The following SPAG16 variants were observed in gnomAD, a reference collection of about 807,000 sequenced individuals.
The protein encoded by SPAG16 is sperm associated antigen 16, also known as sperm-associated antigen 16 protein.
SPAG16 carries 86 observed loss-of-function variants against 80.4 expected under a neutral mutation model. The ratio of observed to expected loss-of-function variants is 1.07; its 90% confidence interval spans 0.90 to 1.28. The LOEUF (loss-of-function observed/expected upper bound fraction) is 1.28, where lower values mean the gene tolerates loss of function less well. Among genes scored for constraint, SPAG16 ranks in the 50% most tolerant of loss-of-function variants. The pLI, the probability that SPAG16 is intolerant of heterozygous loss-of-function variation, is 0.00. For missense variants in SPAG16, 870 were observed against 765.3 expected (o/e 1.14, Z -1.61); for synonymous variants, 294 against 265.9 (o/e 1.11, Z -1.03).
chr2:214,267,366 G>C (rs957635264), intron 15 of SPAG16, among the ~76,000 whole-genome samples: 13 of 151,570 alleles, frequency 8.6e-5, no homozygotes, highest in Non-Finnish European at 1.8e-4. Flanking sequence ...ATTGATTTTT[G>C]ACAAAGGTGC....
At chr2:214,179,924 T>C (rs1443477344) in intron 15 of SPAG16, among the ~76,000 whole-genome samples, 2 of 151,540 alleles carry the variant, frequency 1.3e-5, no homozygotes, top group Non-Finnish European at 3.0e-5. Flanking sequence ...ATGTAAATGG[T>C]GTTAGAATAG....
At chr2:213,470,958 T>C (rs901688239) in intron 9 of SPAG16, among the ~76,000 whole-genome samples, 2 of 152,182 alleles carry the variant, frequency 1.3e-5, no homozygotes, top group African/African-American at 4.8e-5. Flanking sequence ...AGCCAAACCA[T>C]TGGCTACAGT....
chr2:213,720,111 T>C (rs994584040), intron 10 of SPAG16, among the ~76,000 whole-genome samples: 1 of 152,118 alleles, frequency 6.6e-6, no homozygotes, highest in African/African-American at 2.4e-5. Context: ...CCACATGTTC[T>C]CACTCATAAG....
At chr2:214,346,865 T>C (rs1698085428) in intron 15 of SPAG16, among the ~76,000 whole-genome samples, 1 of 152,290 alleles carries the variant, frequency 6.6e-6, no homozygotes, top group African/African-American at 2.4e-5. Context: ...ATGATCTCTG[T>C]CGACATCATT....
chr2:213,745,730 A>T (rs1167481175), intron 10 of SPAG16, among the ~76,000 whole-genome samples: 1 of 152,206 alleles, frequency 6.6e-6, no homozygotes, highest in African/African-American at 2.4e-5. Flanking sequence ...TTCAAATGCC[A>T]TAATTATAAA....
chr2:213,721,091 T>C (rs746144924), intron 10 of SPAG16, among the ~76,000 whole-genome samples: 1 of 151,402 alleles, frequency 6.6e-6, no homozygotes, highest in Non-Finnish European at 1.5e-5. Context: ...ATTATTATAA[T>C]TCCAATTTTA....
At chr2:213,577,624 A>T (rs1004019030) in intron 10 of SPAG16, among the ~76,000 whole-genome samples, 1 of 152,190 alleles carries the variant, frequency 6.6e-6, no homozygotes, top group Admixed American at 6.6e-5. Flanking sequence ...TCTGGTAGTG[A>T]CAATAATTAT....
intron 10 of SPAG16, among the ~76,000 whole-genome samples, chr2:213,768,474 A>G (rs1432358737): frequency 6.6e-6 from 1 of 152,210 alleles, no homozygotes; most frequent in African/African-American, 2.4e-5. Context: ...ACTTCACAAG[A>G]CAGCACTATA....
At chr2:213,659,460 A>G (rs1489396071) in intron 10 of SPAG16, among the ~76,000 whole-genome samples, 1 of 152,176 alleles carries the variant, frequency 6.6e-6, no homozygotes, top group Non-Finnish European at 1.5e-5. Context: ...TTGCAATTAT[A>G]AAGTTAGGAT....
chr2:214,284,769 C>A (rs894077891), intron 15 of SPAG16, among the ~76,000 whole-genome samples: 2 of 151,504 alleles, frequency 1.3e-5, no homozygotes, highest in Non-Finnish European at 2.9e-5. Flanking sequence ...CCAATAAACT[C>A]ATTTTTAAGG....
At chr2:214,389,812 G>A (rs1166720331) in intron 15 of SPAG16, among the ~76,000 whole-genome samples, 1 of 152,158 alleles carries the variant, frequency 6.6e-6, no homozygotes, top group East Asian at 1.9e-4. Flanking sequence ...TAAACTGCCA[G>A]TTATATTGCC....
intron 10 of SPAG16, among the ~76,000 whole-genome samples, chr2:213,573,100 G>T (rs991035359): frequency 6.6e-6 from 1 of 152,116 alleles, no homozygotes; most frequent in Admixed American, 6.5e-5. Context: ...TTTGGCTCAC[G>T]CACGGTGCGC....
intron 15 of SPAG16, among the ~76,000 whole-genome samples, chr2:214,173,314 A>G (rs1396592180): frequency 6.6e-6 from 1 of 152,062 alleles, no homozygotes; most frequent in Non-Finnish European, 1.5e-5. Flanking sequence ...CTTTCTACAT[A>G]TGGCTAGCCA....
chr2:213,878,338 A>T (rs1424319211), intron 11 of SPAG16, among the ~76,000 whole-genome samples: 2 of 152,028 alleles, frequency 1.3e-5, no homozygotes, highest in African/African-American at 4.8e-5. Flanking sequence ...CATTGCCAAT[A>T]TTTATTTTTT....
At chr2:213,490,222 G>GAGAA in intron 10 of SPAG16, 132 bp downstream of exon 10, 1 of 814,008 alleles carries the variant, frequency 1.2e-6, no homozygotes, top group Non-Finnish European at 1.8e-6. Context: ...TAGCATGAAA[G>GAGAA]AATCTGCTTA....
chr2:213,820,067 C>T (rs1233732928), intron 10 of SPAG16, among the ~76,000 whole-genome samples: 3 of 151,524 alleles, frequency 2.0e-5, no homozygotes, highest in African/African-American at 4.8e-5. Context: ...CGTGAGCCAC[C>T]GTTGTTTTTG....
chr2:213,603,554 T>G (rs1310936886), intron 10 of SPAG16, among the ~76,000 whole-genome samples: 1 of 152,260 alleles, frequency 6.6e-6, no homozygotes, highest in Non-Finnish European at 1.5e-5. Context: ...TAAAAGAGAT[T>G]TAAAACTTTG....
chr2:214,094,730 T>C (rs1023660596), intron 13 of SPAG16, among the ~76,000 whole-genome samples: 1 of 152,102 alleles, frequency 6.6e-6, no homozygotes, highest in African/African-American at 2.4e-5. Flanking sequence ...TTCCTCCTTT[T>C]AGAACAGGAA....
chr2:214,287,843 A>T (rs1341109671), intron 15 of SPAG16, among the ~76,000 whole-genome samples: 1 of 152,210 alleles, frequency 6.6e-6, no homozygotes, highest in Non-Finnish European at 1.5e-5. Flanking sequence ...TTTGTTACAT[A>T]TGTAGAATAG....
Sources: gnomAD v4.1 joint callset for allele counts (sites outside exome capture counted in the v4.1 genomes callset) on GRCh38, gnomAD v4.1.1 for gene constraint, MANE v1.5 for transcripts, NCBI Gene and HGNC (gene_info 2026-07-23, HGNC 2026-07-21) for gene names.